RNLS: variants seen among roughly 807,000 people sequenced by gnomAD.
RNLS encodes renalase.
RNLS carries 39 observed loss-of-function variants against 39.8 expected under a neutral mutation model. That is an observed-to-expected ratio of 0.98 (90% CI 0.76 to 1.28). The LOEUF (loss-of-function observed/expected upper bound fraction) is 1.28, where lower values mean the gene tolerates loss of function less well. Ranked by LOEUF, RNLS falls within the 50% of genes most tolerant of loss-of-function variation. The pLI, the probability that RNLS is intolerant of heterozygous loss-of-function variation, is 0.00. For synonymous variants in RNLS, 147 were observed against 150.7 expected (o/e 0.98, Z 0.18); for missense variants, 410 against 413.3 (o/e 0.99, Z 0.07).
At chr10:88,185,316 G>T in the RNLS span, among the ~76,000 whole-genome samples, 1 of 152,084 alleles carries the variant, frequency 6.6e-6, no homozygotes, top group African/African-American at 2.4e-5. Flanking sequence ...CCTTTGAAAT[G>T]CCTTTCAGTC....
intron 6 of RNLS, among the ~76,000 whole-genome samples, chr10:88,304,044 T>G (rs978698100): frequency 6.6e-6 from 1 of 152,152 alleles, no homozygotes; most frequent in Non-Finnish European, 1.5e-5. Context: ...CCACTACAAG[T>G]CTTGCAGAGT....
the RNLS span, among the ~76,000 whole-genome samples, chr10:88,190,659 T>A: frequency 2.6e-5 from 4 of 152,252 alleles, no homozygotes; most frequent in Admixed American, 2.6e-4. Context: ...TCTATTTTCC[T>A]TATATGCTAT....
chr10:88,370,773 TCTC>T (rs898009099), intron 4 of RNLS, among the ~76,000 whole-genome samples: 12 of 152,108 alleles, frequency 7.9e-5, no homozygotes, highest in Non-Finnish European at 1.3e-4. Context: ...CATAAACAGT[TCTC>T]CTAGCAGACC....
At chr10:88,182,657 C>G in the RNLS span, among the ~76,000 whole-genome samples, 8 of 151,970 alleles carry the variant, frequency 5.3e-5, no homozygotes, top group South Asian at 1.7e-3. Flanking sequence ...GAAACTTTCT[C>G]TCTCTCTCTC....
the RNLS span, among the ~76,000 whole-genome samples, chr10:88,175,838 G>T: frequency 5.5e-3 from 831 of 152,204 alleles, 5 homozygotes; most frequent in Middle Eastern, 0.01. Flanking sequence ...GTGGGGTGTT[G>T]AAGTCCCTCC....
intron 6 of RNLS, among the ~76,000 whole-genome samples, chr10:88,310,164 G>A (rs953031067): frequency 1.1e-4 from 17 of 152,134 alleles, no homozygotes; most frequent in African/African-American, 3.9e-4. Context: ...GTGAACTGAG[G>A]TCATAACCAC....
chr10:88,265,802 A>G, the RNLS span, among the ~76,000 whole-genome samples: 1 of 152,186 alleles, frequency 6.6e-6, no homozygotes, highest in African/African-American at 2.4e-5. Context: ...ATCATTCAGA[A>G]GTGCACAATT....
chr10:88,568,089 C>T (rs1290694325), intron 4 of RNLS, among the ~76,000 whole-genome samples: 1 of 152,126 alleles, frequency 6.6e-6, no homozygotes, highest in African/African-American at 2.4e-5. Context: ...GTCAGTGAGC[C>T]ATGATGAAAG....
At chr10:88,183,704 T>C in the RNLS span, among the ~76,000 whole-genome samples, 3 of 152,168 alleles carry the variant, frequency 2.0e-5, no homozygotes, top group East Asian at 3.8e-4. Context: ...ATTAGTGCTA[T>C]AGGGAACATC....
intron 4 of RNLS, among the ~76,000 whole-genome samples, chr10:88,380,302 A>G (rs1742419577): frequency 6.7e-6 from 1 of 149,778 alleles, no homozygotes; most frequent in Non-Finnish European, 1.5e-5. Context: ...TAGGTAATAG[A>G]GAAATTTGAG....
At chr10:88,415,318 T>A (rs1016339141) in intron 4 of RNLS, among the ~76,000 whole-genome samples, 1 of 152,242 alleles carries the variant, frequency 6.6e-6, no homozygotes, top group South Asian at 2.1e-4. Context: ...GAAAGGTATA[T>A]GGCATTTGAA....
At chr10:88,287,070 T>G (rs1365347183) in intron 6 of RNLS, among the ~76,000 whole-genome samples, 1 of 152,096 alleles carries the variant, frequency 6.6e-6, no homozygotes, top group Non-Finnish European at 1.5e-5. Flanking sequence ...ATTACAGGCA[T>G]AAGCCACCAT....
chr10:88,512,130 C>T (rs1395195432), intron 4 of RNLS, among the ~76,000 whole-genome samples: 1 of 152,128 alleles, frequency 6.6e-6, no homozygotes, highest in Non-Finnish European at 1.5e-5. Context: ...TACATGTACA[C>T]TAAATACTGC....
chr10:88,348,083 C>G (rs1228941650), intron 5 of RNLS, among the ~76,000 whole-genome samples: 1 of 152,064 alleles, frequency 6.6e-6, no homozygotes, highest in Non-Finnish European at 1.5e-5. Flanking sequence ...CACCTGTGAC[C>G]CTTGCTGGTT....
In RNLS at chr10:88,499,502, T is replaced by C. The variant is rs73355449; in HGVS notation, c.526+73401A>G. ...GAAGTTCTTACGAAAAATTTTGTTATTGTGAGTGCTTTATCAGATCTGGCT... is the reference window on the plus strand; with the variant it reads ...GAAGTTCTTACGAAAAATTTTGTTACTGTGAGTGCTTTATCAGATCTGGCT... On this transcript the variant is annotated intron_variant, in intron 4 of 6. Coordinates refer to ENST00000331772, the MANE Select transcript of RNLS (RefSeq NM_001031709.3). Among the ~76,000 whole-genome samples the C allele has an allele frequency of 1.7e-3, 266 of 152,282 alleles. 2 individuals are homozygous for C. The highest frequency in any genetic ancestry group is 6.0e-3 in the African/African-American group (248 of 41,572).
chr10:88,242,939 C>T, the RNLS span, among the ~76,000 whole-genome samples: 2 of 135,622 alleles, frequency 1.5e-5, no homozygotes, highest in Non-Finnish European at 3.1e-5. Flanking sequence ...AAGAGCGAAA[C>T]TCTGTCAAAA....
In RNLS at chr10:88,476,785, T is replaced by A. The variant is rs117103830; in HGVS notation, c.526+96118A>T. Among the ~76,000 whole-genome samples, 82 of 152,276 alleles carry A rather than the reference T, an allele frequency of 5.4e-4. 1 individual carries two copies. In the East Asian group the frequency reaches 0.014, roughly 27 times the overall value. On this transcript the variant is annotated intron_variant, in intron 4 of 6. Transcript: ENST00000331772. ...ATTATCTCTTTTTAAAAAACCTTCATGAAAGGGTTGAGAGGTAGTTCAGAA... is the reference window on the plus strand; with the variant it reads ...ATTATCTCTTTTTAAAAAACCTTCAAGAAAGGGTTGAGAGGTAGTTCAGAA...
At chr10:88,532,987 T>G (rs1847526672) in intron 4 of RNLS, among the ~76,000 whole-genome samples, 1 of 152,092 alleles carries the variant, frequency 6.6e-6, no homozygotes, top group South Asian at 2.1e-4. Context: ...ATGTTGGTGC[T>G]GCAAAAGTCA....
chr10:88,389,579 CCTTTTAGGGATTTCTTAACTGAGTTGTTA>C (rs1852074593), intron 4 of RNLS, among the ~76,000 whole-genome samples: 1 of 12,488 alleles, frequency 8.0e-5, no homozygotes, highest in South Asian at 2.0e-3. Flanking sequence ...TGTTAAGGAT[CCTTTTAGGGATTTCTTAACTGAGTTGTTA>C]AGGATCCTTT....
Sources: gnomAD v4.1 joint callset for allele counts (sites outside exome capture counted in the v4.1 genomes callset) on GRCh38, gnomAD v4.1.1 for gene constraint, MANE v1.5 for transcripts, NCBI Gene and HGNC (gene_info 2026-07-23, HGNC 2026-07-21) for gene names.